DUSP10: variants seen among roughly 807,000 people sequenced by gnomAD.
DUSP10 encodes dual specificity protein phosphatase 10.
A neutral mutation model predicts 30.8 loss-of-function variants in DUSP10; 14 were observed. That is an observed-to-expected ratio of 0.46 (90% CI 0.30 to 0.71). The LOEUF is 0.71. Among genes scored for constraint, DUSP10 ranks in the 30% least tolerant of loss-of-function variants. The pLI, the probability that DUSP10 is intolerant of heterozygous loss-of-function variation, is 0.08. For missense variants in DUSP10, 550 were observed against 619.4 expected, an observed-to-expected ratio of 0.89 and a Z score of 1.19; for synonymous variants, 254 against 250.4, an observed-to-expected ratio of 1.01 and a Z score of -0.14.
chr1:221,731,437 C>A (rs1661586994), intron 2 of DUSP10, among the ~76,000 whole-genome samples: 1 of 152,010 alleles, frequency 6.6e-6, no homozygotes, highest in Non-Finnish European at 1.5e-5. Context: ...CAAAGTTTCA[C>A]TCTCCCACAC....
intron 2 of DUSP10, among the ~76,000 whole-genome samples, chr1:221,717,606 T>C (rs941808984): frequency 2.0e-5 from 3 of 152,182 alleles, no homozygotes; most frequent in African/African-American, 7.2e-5. Flanking sequence ...CCTCCCCATA[T>C]TCAAACACAC....
In DUSP10 at chr1:221,723,363, A is replaced by G. The variant is rs77121543; in HGVS notation, c.811+15571T>C. On this transcript the variant is annotated intron_variant, in intron 2 of 3. Coordinates refer to ENST00000366899, the MANE Select transcript of DUSP10 (RefSeq NM_007207.6). ...TTAAGCTGCAGCACTTAGCTCTCTCAGCTGCTGTTCTCCTAATACATACAT... is the reference window on the plus strand; with the variant it reads ...TTAAGCTGCAGCACTTAGCTCTCTCGGCTGCTGTTCTCCTAATACATACAT... Among the ~76,000 whole-genome samples, 268 of 152,382 alleles carry G rather than the reference A, an allele frequency of 1.8e-3. 2 individuals are homozygous for G. Among genetic ancestry groups the G allele is most frequent in the African/African-American group, 6.2e-3 (259 of 41,588 alleles).
At chr1:221,729,915 C>T (rs1241665434) in intron 2 of DUSP10, among the ~76,000 whole-genome samples, 5 of 152,176 alleles carry the variant, frequency 3.3e-5, no homozygotes, top group African/African-American at 1.2e-4. Context: ...TGTGTCTAGT[C>T]TTATTCTTTT....
intron 2 of DUSP10, among the ~76,000 whole-genome samples, chr1:221,715,038 T>C (rs776083235): frequency 1.3e-5 from 2 of 152,246 alleles, no homozygotes; most frequent in African/African-American, 4.8e-5. Flanking sequence ...TTGTTCCATA[T>C]ACTTCTACAT....
rs754236948 is a variant in DUSP10, at chr1:221,706,453, A to C, written c.825T>G (p.Ser275Arg). Residue 275 changes from serine to arginine, a missense_variant, in exon 3 of 4, where the codon AGT (serine) becomes AGG (arginine). Coordinates refer to ENST00000366899, the MANE Select transcript of DUSP10 (RefSeq NM_007207.6). The surrounding 1 kb of genome is among the most constrained non-coding windows in gnomAD (Gnocchi z 4.6). ...EPLVLKGGLS[S>R]FKQNHENLCD... ...AGAGGTTTTCATGGTTCTGCTTAAA[A>C]CTACTAAGTCCACCTAGAACACAAA... 2.0e-6 allele frequency: 3 copies of C among 1,514,984 alleles called. No homozygotes were observed. The highest frequency in any genetic ancestry group is 1.4e-5 in the African/African-American group (1 of 71,614). The allele number at this position is 1,514,984 out of a possible 1,614,324, so 93.8% of individuals were successfully genotyped here. A position where few individuals can be genotyped will look rare whatever the true frequency, so the allele number is the denominator to read the frequency against.
intron 2 of DUSP10, among the ~76,000 whole-genome samples, chr1:221,719,547 A>G (rs371625059): frequency 6.6e-6 from 1 of 152,184 alleles, no homozygotes; most frequent in Non-Finnish European, 1.5e-5. Flanking sequence ...AATTAAAAAC[A>G]CTGCTTGTCT....
intron 2 of DUSP10, among the ~76,000 whole-genome samples, chr1:221,710,160 G>A (rs1028981438): frequency 6.6e-6 from 1 of 152,110 alleles, no homozygotes; most frequent in Non-Finnish European, 1.5e-5. Context: ...ACACGACCAG[G>A]TATTCGATAA....
chr1:221,738,372 T>C (rs1216478594), intron 2 of DUSP10, among the ~76,000 whole-genome samples: 2 of 152,248 alleles, frequency 1.3e-5, no homozygotes, highest in African/African-American at 2.4e-5. Context: ...TTATACTTTA[T>C]ATGGGGCCTT....
chr1:221,739,706 T>C lies in DUSP10; in HGVS notation c.39A>G (p.Ala13=), dbSNP rs144387908. Residue 13 remains alanine, a synonymous_variant, in exon 2 of 4, where the codon GCA becomes GCG. Coordinates refer to ENST00000366899, the MANE Select transcript of DUSP10 (RefSeq NM_007207.6). The part of the protein sequence containing the change: ...PSPLDDRVVV[A]LSRPVRPQDL... ...CCTGAGGTCGGACGGGCCTAGATAG[T>C]GCCACTACTACCCTGTCGTCTAAAG... The C allele has an allele frequency of 3.5e-4, 558 of 1,611,820 alleles. 1 individual carries two copies. In the Middle Eastern group the frequency reaches 5.5e-3, roughly 16 times the overall value.
intron 2 of DUSP10, among the ~76,000 whole-genome samples, chr1:221,736,259 G>A (rs978674777): frequency 6.6e-5 from 10 of 152,176 alleles, no homozygotes; most frequent in African/African-American, 2.4e-4. Flanking sequence ...AGCAACCAGT[G>A]TTTACAAACA....
chr1:221,731,925 A>G (rs1661619231), intron 2 of DUSP10, among the ~76,000 whole-genome samples: 1 of 152,132 alleles, frequency 6.6e-6, no homozygotes, highest in Non-Finnish European at 1.5e-5. Flanking sequence ...CTTAAAAAAG[A>G]AAAAGAAAAA....
At chr1:221,732,500 A>G (rs949543938) in intron 2 of DUSP10, among the ~76,000 whole-genome samples, 1 of 152,234 alleles carries the variant, frequency 6.6e-6, no homozygotes, top group Non-Finnish European at 1.5e-5. Flanking sequence ...GAAAAAAGGC[A>G]TCAGTACTCA....
chr1:221,737,132 T>C (rs1424999444), intron 2 of DUSP10: 2 of 985,266 alleles, frequency 2.0e-6, no homozygotes, highest in Admixed American at 6.2e-5. Flanking sequence ...CTCCACCCAC[T>C]GCAAAATAGA....
chr1:221,719,628 T>C (rs1370271831), intron 2 of DUSP10, among the ~76,000 whole-genome samples: 1 of 152,222 alleles, frequency 6.6e-6, no homozygotes, highest in Non-Finnish European at 1.5e-5. Flanking sequence ...AGCCAAGTAA[T>C]GGTCAGTTCA....
intron 2 of DUSP10, among the ~76,000 whole-genome samples, chr1:221,717,542 C>A (rs964586234): frequency 2.6e-5 from 4 of 151,712 alleles, no homozygotes; most frequent in Non-Finnish European, 5.9e-5. Flanking sequence ...AAATTCATAC[C>A]CTTTCCTTTT....
In DUSP10 at chr1:221,739,617, G is replaced by C; in HGVS notation, c.128C>G (p.Pro43Arg). 1 of 1,614,174 alleles carries C rather than the reference G, an allele frequency of 6.2e-7. No individual in the cohort carries two copies. The highest frequency in any genetic ancestry group is 8.5e-7 in the Non-Finnish European group (1 of 1,180,020). ...GSANPGSNSHPPVIATTVVSL... is the reference protein window; with the variant it reads ...GSANPGSNSHRPVIATTVVSL... ...CACAACGGTGGTGGCGATGACAGGA[G>C]GGTGGCTGTTACTGCCTGGGTTGGC... The change falls in exon 2 of 4, where the codon CCT becomes CGT. Residue 43 changes from proline to arginine, a missense_variant. Transcript: ENST00000366899.
chr1:221,728,621 T>A (rs927905472), intron 2 of DUSP10, among the ~76,000 whole-genome samples: 2 of 152,212 alleles, frequency 1.3e-5, no homozygotes, highest in African/African-American at 2.4e-5. Context: ...AGGGCAATCA[T>A]AACCTACTAG....
intron 2 of DUSP10, among the ~76,000 whole-genome samples, chr1:221,731,669 C>T (rs891503918): frequency 4.4e-5 from 6 of 135,282 alleles, no homozygotes; most frequent in South Asian, 4.6e-4. Flanking sequence ...AGTGCAGTGG[C>T]GGGATCTCGG....
At position 221,739,073 on chromosome 1, in the gene DUSP10, A is replaced by G; in HGVS notation, c.672T>C (p.Ser224=). ...DLISCREGKD[S]FKRIFSKEII... ...TTTCTTTGGAAAAGATCCTCTTGAA[A>G]GAGTCCTTGCCTTCCCTACAGGAAA... Residue 224 remains serine (S), a synonymous_variant, in exon 2 of 4, where the codon TCT becomes TCC. Transcript: ENST00000366899. 1 of 1,614,230 alleles carries G rather than the reference A, an allele frequency of 6.2e-7. No homozygotes were observed. The highest frequency in any genetic ancestry group is 8.5e-7 in the Non-Finnish European group (1 of 1,180,044).
Sources: allele counts gnomAD v4.1 joint callset (sites outside exome capture counted in the v4.1 genomes callset), GRCh38; gene constraint gnomAD v4.1.1; non-coding constraint Gnocchi (gnomAD v3.1); transcripts MANE v1.5; gene names NCBI Gene and HGNC (gene_info 2026-07-23, HGNC 2026-07-21).